The following FARS2 variants were observed in gnomAD, a reference collection of about 807,000 sequenced individuals.
FARS2 encodes phenylalanine--tRNA ligase, mitochondrial.
In FARS2, 40 loss-of-function variants were observed where a neutral mutation model predicts 46.4. The observed-to-expected ratio is 0.86, with a 90% CI of 0.67 to 1.12. The LOEUF (loss-of-function observed/expected upper bound fraction) is 1.12, where lower values mean the gene tolerates loss of function less well. FARS2 is among the 50% of genes most tolerant of loss of function. FARS2 has a pLI of 0.00. For synonymous variants in FARS2, 234 were observed against 214.9 expected, an observed-to-expected ratio of 1.09 and a Z score of -0.78; for missense variants, 513 against 567.9, an observed-to-expected ratio of 0.90 and a Z score of 0.98.
At chr6:5,367,241 A>G (rs1561988482) in intron 1 of FARS2, among the ~76,000 whole-genome samples, 1 of 152,254 alleles carries the variant, frequency 6.6e-6, no homozygotes, top group Non-Finnish European at 1.5e-5. Context: ...GCTTCATATC[A>G]TGAAGTTACA....
chr6:5,526,147 G>GTTTCTCTCAAA (rs537975317), intron 4 of FARS2, among the ~76,000 whole-genome samples: 178 of 152,332 alleles, frequency 1.2e-3, no homozygotes, highest in African/African-American at 4.0e-3. Flanking sequence ...AGAGATGGGA[G>GTTTCTCTCAAA]TTTCTCTCAA....
chr6:5,545,400 G>T, intron 5 of FARS2, 60 bp downstream of exon 5: 1 of 1,291,110 alleles, frequency 7.7e-7, no homozygotes, highest in Non-Finnish European at 1.1e-6. Context: ...AGGATCGACA[G>T]GATCATGTAC....
At chr6:5,304,254 C>T (rs1278049256) in intron 1 of FARS2, among the ~76,000 whole-genome samples, 1 of 152,132 alleles carries the variant, frequency 6.6e-6, no homozygotes, top group Non-Finnish European at 1.5e-5. Context: ...GTGCGTTTCC[C>T]CTTATCACTG....
At chr6:5,675,126 G>A (rs566852231) in intron 6 of FARS2, among the ~76,000 whole-genome samples, 4 of 152,102 alleles carry the variant, frequency 2.6e-5, no homozygotes, top group South Asian at 4.2e-4. Flanking sequence ...TAAATATTTG[G>A]TGAAGAAGGT....
chr6:5,309,563 T>C (rs182547519), intron 1 of FARS2, among the ~76,000 whole-genome samples: 2 of 152,314 alleles, frequency 1.3e-5, no homozygotes, highest in African/African-American at 2.4e-5. Context: ...TGTGCCTATA[T>C]ACCTAGTCAA....
chr6:5,291,713 G>A (rs1228219341), intron 1 of FARS2, among the ~76,000 whole-genome samples: 1 of 151,446 alleles, frequency 6.6e-6, no homozygotes, highest in Non-Finnish European at 1.5e-5. Context: ...AGCTGTGATT[G>A]AGCCACTGCA....
At chr6:5,474,446 A>T (rs1765991114) in intron 4 of FARS2, among the ~76,000 whole-genome samples, 1 of 152,064 alleles carries the variant, frequency 6.6e-6, no homozygotes, top group Non-Finnish European at 1.5e-5. Flanking sequence ...GTTGTTAGGC[A>T]ATTTTGTCGT....
chr6:5,356,979 A>C (rs1757974990), intron 1 of FARS2, among the ~76,000 whole-genome samples: 1 of 151,772 alleles, frequency 6.6e-6, no homozygotes, highest in African/African-American at 2.4e-5. Flanking sequence ...CAGAGAGCAC[A>C]GTATGATGGG....
intron 2 of FARS2, among the ~76,000 whole-genome samples, chr6:5,377,129 G>A (rs2503840): frequency 0.81 from 123,396 of 152,236 alleles, 50,627 homozygotes; most frequent in African/African-American, 0.91. Flanking sequence ...CAAGTATTTG[G>A]CAGGCCCACC....
At chr6:5,500,933 CGAGAGAGAGA>C (rs58128430) in intron 4 of FARS2, among the ~76,000 whole-genome samples, 5,223 of 143,594 alleles carry the variant, frequency 0.036, 270 homozygotes, top group African/African-American at 0.12. Flanking sequence ...TTCAAATCCC[CGAGAGAGAGA>C]GAGAGAGAGA....
At chr6:5,473,537 A>AC (rs1161673723) in intron 4 of FARS2, among the ~76,000 whole-genome samples, 8 of 47,840 alleles carry the variant, frequency 1.7e-4, no homozygotes, top group Non-Finnish European at 2.7e-4. Flanking sequence ...AAAAAACAAA[A>AC]AAAAAAACAA....
chr6:5,740,069 G>T (rs114509504), intron 6 of FARS2, among the ~76,000 whole-genome samples: 1 of 152,144 alleles, frequency 6.6e-6, no homozygotes, highest in Non-Finnish European at 1.5e-5. Context: ...CCATGCTTCC[G>T]ACCACTGCAT....
intron 6 of FARS2, among the ~76,000 whole-genome samples, chr6:5,696,081 C>A (rs1481489447): frequency 6.6e-6 from 1 of 152,188 alleles, no homozygotes; most frequent in Non-Finnish European, 1.5e-5. Flanking sequence ...GTCAAGCGTG[C>A]AGGACAACAG....
intron 1 of FARS2, among the ~76,000 whole-genome samples, chr6:5,361,540 G>T (rs1281589305): frequency 6.6e-6 from 1 of 152,218 alleles, no homozygotes; most frequent in African/African-American, 2.4e-5. Context: ...GCAGGAAACT[G>T]CCTGCTTATA....
intron 5 of FARS2, among the ~76,000 whole-genome samples, chr6:5,558,932 G>A (rs1298378706): frequency 6.6e-6 from 1 of 152,018 alleles, no homozygotes; most frequent in East Asian, 1.9e-4. Flanking sequence ...TTGAACTCTT[G>A]GGTAACTGTG....
intron 4 of FARS2, among the ~76,000 whole-genome samples, chr6:5,502,127 G>C (rs1767837599): frequency 6.6e-6 from 1 of 152,204 alleles, no homozygotes; most frequent in African/African-American, 2.4e-5. Flanking sequence ...ATTTGAGACT[G>C]CTACCCCAGC....
intron 6 of FARS2, among the ~76,000 whole-genome samples, chr6:5,668,933 C>T (rs376492964): frequency 1.1e-4 from 17 of 151,792 alleles, no homozygotes; most frequent in African/African-American, 3.6e-4. Context: ...TGACCTCAGG[C>T]GATGGACCCG....
At chr6:5,687,984 T>C (rs192117480) in intron 6 of FARS2, among the ~76,000 whole-genome samples, 3,446 of 152,330 alleles carry the variant, frequency 0.023, 42 homozygotes, top group Middle Eastern at 0.031. Context: ...AGTTCACTCA[T>C]GATTTGGCTC....
chr6:5,444,192 G>A (rs1260733478), intron 4 of FARS2, among the ~76,000 whole-genome samples: 1 of 151,756 alleles, frequency 6.6e-6, no homozygotes, highest in Non-Finnish European at 1.5e-5. Flanking sequence ...GCGCAGGCTG[G>A]GTGCAATGGC....
Sources: gnomAD v4.1 joint callset for allele counts (sites outside exome capture counted in the v4.1 genomes callset) on GRCh38, gnomAD v4.1.1 for gene constraint, MANE v1.5 for transcripts, NCBI Gene and HGNC (gene_info 2026-07-23, HGNC 2026-07-21) for gene names.